The following ENTPD6 variants were observed in gnomAD, a reference collection of about 807,000 sequenced individuals.
ENTPD6 encodes ectonucleoside triphosphate diphosphohydrolase 6, also known as CD39 antigen-like 2.
In ENTPD6, 46 loss-of-function variants were observed where a neutral mutation model predicts 61.5. That is an observed-to-expected ratio of 0.75 (90% CI 0.59 to 0.96). The LOEUF is 0.96. Ranked by LOEUF, ENTPD6 falls within the 40% of genes least tolerant of loss-of-function variation. ENTPD6 has a pLI of 0.00. For missense variants in ENTPD6, 612 were observed against 629.0 expected, an observed-to-expected ratio of 0.97 and a Z score of 0.29; for synonymous variants, 252 against 255.5, an observed-to-expected ratio of 0.99 and a Z score of 0.13.
In ENTPD6 at chr20:25,225,548, T is replaced by C. The variant is rs200072947; in HGVS notation, c.1406T>C (p.Ile469Thr). ...NVETSWALGA[I>T]FHYIDSLNRQ... ...GAGACCAGCTGGGCTCTGGGGGCCA[T>C]TTTTCATTACATCGACTCCCTGAAC... Residue 469 changes from isoleucine to threonine, a missense_variant, in exon 15 of 15, where the codon ATT (isoleucine) becomes ACT (threonine). Physicochemically the swap from Ile to Thr is moderately conservative, Grantham distance 89. Coordinates refer to ENST00000376652, the MANE Select transcript of ENTPD6 (RefSeq NM_001247.5). 172 of 1,613,700 alleles carry C rather than the reference T, an allele frequency of 1.1e-4. No homozygotes were observed. Among genetic ancestry groups the C allele is most frequent in the Non-Finnish European group, 1.4e-4 (166 of 1,179,800 alleles).
chr20:25,213,672 G>A (rs535536384), intron 5 of ENTPD6, among the ~76,000 whole-genome samples: 4 of 152,312 alleles, frequency 2.6e-5, no homozygotes, highest in African/African-American at 7.2e-5. Flanking sequence ...ACTGTGGGCC[G>A]GGCATGGTGG....
Position 25,227,585 on chromosome 20 carries a change from A to G in ENTPD6, c.*1988A>G, listed in dbSNP as rs1184617231. Among the ~76,000 whole-genome samples, 1 of 152,248 alleles carries G rather than the reference A, an allele frequency of 6.6e-6. No individual in the cohort carries two copies. Among genetic ancestry groups the G allele is most frequent in the Non-Finnish European group, 1.5e-5 (1 of 68,042 alleles). On this transcript the variant is annotated 3_prime_UTR_variant, in exon 15 of 15. Coordinates refer to ENST00000376652, the MANE Select transcript of ENTPD6 (RefSeq NM_001247.5). Reference sequence around the variant, plus strand: ...AAAAATAGCTACACGTGCACATCGTAAAAGAAGCAAACTAGGGTTGCTTGA... The same window carrying G: ...AAAAATAGCTACACGTGCACATCGTGAAAGAAGCAAACTAGGGTTGCTTGA...
Position 25,206,603 on chromosome 20 carries a change from C to A in ENTPD6, c.54+13C>A. ...CTACATTTTTCAGGTTTGTCTGGGG[C>A]TCTCAGTAGTTGCCCAAGGGACGGA... On this transcript the variant is annotated intron_variant, in intron 2 of 14. Coordinates refer to ENST00000376652, the MANE Select transcript of ENTPD6 (RefSeq NM_001247.5). 6.2e-7 allele frequency: 1 copy of A among 1,600,644 alleles called. No homozygotes were observed. Among genetic ancestry groups the A allele is most frequent in the Non-Finnish European group, 8.6e-7 (1 of 1,167,638 alleles).
At position 25,217,645 on chromosome 20, in the gene ENTPD6, G is replaced by C. The variant is rs550723236; in HGVS notation, c.878+64G>C. The C allele has an allele frequency of 2.6e-5, 37 of 1,399,606 alleles. No homozygotes were observed. In the African/African-American group the frequency reaches 4.0e-4, roughly 15 times the overall value. 86.7% of individuals were successfully genotyped at this position (1,399,606 alleles called of 1,614,324 possible). A position where few individuals can be genotyped will look rare whatever the true frequency, so the allele number is the denominator to read the frequency against. ...GTGGGTATGCAGCTCCCAGGGCCTC[G>C]CATGGCCCTCTTGAGGTCATGGATG... On this transcript the variant is annotated intron_variant, in intron 9 of 14. Transcript: ENST00000376652.
At chr20:25,222,448 T>G in intron 11 of ENTPD6, 3 of 175,402 alleles carry the variant, frequency 1.7e-5, no homozygotes, top group South Asian at 1.3e-4. Flanking sequence ...CTCCACTTCC[T>G]TATCTATGAC....
chr20:25,202,940 T>C (rs904787102), intron 1 of ENTPD6, among the ~76,000 whole-genome samples: 17 of 152,244 alleles, frequency 1.1e-4, no homozygotes, highest in African/African-American at 4.1e-4. Context: ...CTCCCTTTAG[T>C]AGTCTGGTAG....
chr20:25,208,423 G>A (rs2091686933), intron 3 of ENTPD6, among the ~76,000 whole-genome samples: 1 of 152,148 alleles, frequency 6.6e-6, no homozygotes, highest in South Asian at 2.1e-4. Context: ...TGCAGCCTGG[G>A]CAACAAGAGT....
rs376632000 is a variant in ENTPD6 at position 25,218,849 on chromosome 20, G to A, written c.943+235G>A. ...CACCCTGATGGGGCAGGAACCCAGG[G>A]TGGTGTTGTACCTGTCCACCTTCCA... On this transcript the variant is annotated intron_variant, in intron 10 of 14. Coordinates refer to ENST00000376652, the MANE Select transcript of ENTPD6 (RefSeq NM_001247.5). Among the ~76,000 whole-genome samples the A allele has an allele frequency of 1.5e-3, 232 of 152,312 alleles. 1 individual carries two copies. Among genetic ancestry groups the A allele is most frequent in the African/African-American group, 5.2e-3 (218 of 41,570 alleles).
Position 25,225,314 on chromosome 20 carries a change from G to A in ENTPD6, c.1353G>A (p.Leu451=). ...TCGGCTTTCCCAGGAGCAAAGTGCT[G>A]AAGGTAAGGGTGCCCTCAGGTCACG... is the stretch of plus-strand genomic sequence containing the variant. ...QEFGFPRSKV[L]KLTRKIDNVE... is the part of the protein sequence containing the mutation. Residue 451 remains leucine (L), a synonymous_variant, in exon 14 of 15, where the codon CTG becomes CTA. Coordinates refer to ENST00000376652, the MANE Select transcript of ENTPD6 (RefSeq NM_001247.5). 6.2e-7 allele frequency: 1 copy of A among 1,612,786 alleles called. No individual in the cohort carries two copies. Among genetic ancestry groups the A allele is most frequent in the Non-Finnish European group, 8.5e-7 (1 of 1,179,886 alleles).
intron 4 of ENTPD6, among the ~76,000 whole-genome samples, 162 bp from the exon 5 acceptor site, chr20:25,213,101 A>G (rs774763005): frequency 2.6e-4 from 40 of 152,154 alleles, no homozygotes; most frequent in Non-Finnish European, 5.3e-4. Context: ...CCAGGAATTC[A>G]AGGCTGCAAA....
chr20:25,206,974 G>A lies in ENTPD6; in HGVS notation c.55-102G>A, dbSNP rs1395297532. On this transcript the variant is annotated intron_variant, in intron 2 of 14. Transcript: ENST00000376652. ...TGATTCCTGGGGGGAACACGGAGCA[G>A]TTTCAGGTTGAACATTTTGTCCCTG... The A allele has an allele frequency of 5.6e-6, 6 of 1,065,712 alleles. No individual in the cohort carries two copies. The East Asian group carries it at 1.4e-4, about 25-fold the overall frequency. The allele number at this position is 1,065,712 out of a possible 1,614,324, so 66.0% of individuals were successfully genotyped here.
At chr20:25,209,140 C>T (rs2091760910) in intron 3 of ENTPD6, among the ~76,000 whole-genome samples, 1 of 146,958 alleles carries the variant, frequency 6.8e-6, no homozygotes, top group African/African-American at 2.5e-5. Context: ...GATGGAGTCT[C>T]GCTCTGTCGC....
At chr20:25,213,037 C>T (rs2122973287) in intron 4 of ENTPD6, among the ~76,000 whole-genome samples, 1 of 152,290 alleles carries the variant, frequency 6.6e-6, no homozygotes, top group South Asian at 2.1e-4. Context: ...GGCATGGTGG[C>T]TCACGCCCTT....
At chr20:25,213,475 T>G in intron 5 of ENTPD6, 69 bp downstream of exon 5, 2 of 1,500,768 alleles carry the variant, frequency 1.3e-6, no homozygotes, top group Non-Finnish European at 1.8e-6. Flanking sequence ...AAACAACTGC[T>G]GTCTCACCAG....
chr20:25,214,367 C>T (rs1042499695), intron 5 of ENTPD6, among the ~76,000 whole-genome samples: 2 of 152,190 alleles, frequency 1.3e-5, no homozygotes, highest in Non-Finnish European at 2.9e-5. Context: ...AGGCCAGGGC[C>T]CTGGTGAAGG....
rs1018032263 is a variant in ENTPD6 at position 25,218,458 on chromosome 20, C to T, written c.879-92C>T. 3.3e-6 allele frequency: 4 copies of T among 1,201,236 alleles called. No individual in the cohort carries two copies. In the African/African-American group the frequency reaches 4.5e-5, roughly 14 times the overall value. 74.4% of individuals were successfully genotyped at this position (1,201,236 alleles called of 1,614,324 possible). On this transcript the variant is annotated intron_variant, in intron 9 of 14. Transcript: ENST00000376652. ...CACTAACTGCCTTGCTGCAAGCTCC[C>T]CCTTCCCCACTCGGGCTGGGTCTCA...
At chr20:25,213,213 C>A (rs6115089) in intron 4 of ENTPD6, 50 bp from the exon 5 acceptor site, 102,135 of 1,612,084 alleles carry the variant, frequency 0.063, 5,823 homozygotes, top group Admixed American at 0.24. Flanking sequence ...CACGTGTGAC[C>A]CTGTATGCTG....
At chr20:25,208,966 G>C (rs1158748819) in intron 3 of ENTPD6, among the ~76,000 whole-genome samples, 1 of 151,934 alleles carries the variant, frequency 6.6e-6, no homozygotes, top group Non-Finnish European at 1.5e-5. Context: ...GCCCAGGCTG[G>C]AGTACAGTGG....
Position 25,218,472 on chromosome 20 carries a change from G to C in ENTPD6, c.879-78G>C. ...CTGCAAGCTCCCCCTTCCCCACTCG[G>C]GCTGGGTCTCAGAGGTGAGCCTGCC... On this transcript the variant is annotated intron_variant, in intron 9 of 14. Coordinates refer to ENST00000376652, the MANE Select transcript of ENTPD6 (RefSeq NM_001247.5). 4 of 1,367,590 alleles carry C rather than the reference G, an allele frequency of 2.9e-6. No individual in the cohort carries two copies. The South Asian group carries it at 3.7e-5, about 13-fold the overall frequency. The allele number at this position is 1,367,590 out of a possible 1,614,324, so 84.7% of individuals were successfully genotyped here. A position where few individuals can be genotyped will look rare whatever the true frequency, so the allele number is the denominator to read the frequency against.
Sources: gnomAD v4.1 joint callset for allele counts (sites outside exome capture counted in the v4.1 genomes callset) on GRCh38, gnomAD v4.1.1 for gene constraint, MANE v1.5 for transcripts, NCBI Gene and HGNC (gene_info 2026-07-23, HGNC 2026-07-21) for gene names.